The following TRPC7 variants were observed in gnomAD, a reference collection of about 807,000 sequenced individuals.
TRPC7 encodes transient receptor potential cation channel subfamily C member 7.
Under a neutral mutation model 90.1 loss-of-function variants are expected in TRPC7, and 42 were observed. That is an observed-to-expected ratio of 0.47 (90% confidence interval 0.36 to 0.60). The LOEUF is 0.60. Among genes scored for constraint, TRPC7 ranks in the 20% least tolerant of loss-of-function variants. The pLI is 0.00. For synonymous variants in TRPC7, 451 were observed against 436.3 expected (o/e 1.03, Z -0.42); for missense variants, 955 against 1,112.3 (o/e 0.86, Z 2.01).
chr5:136,316,391 G>C (rs892647386), intron 2 of TRPC7, among the ~76,000 whole-genome samples: 1 of 152,188 alleles, frequency 6.6e-6, no homozygotes, highest in Non-Finnish European at 1.5e-5. Context: ...TTGTGTGCCA[G>C]AAAATCGGCT....
intron 3 of TRPC7, among the ~76,000 whole-genome samples, chr5:136,293,617 A>T (rs1478667803): frequency 1.3e-5 from 2 of 152,152 alleles, no homozygotes; most frequent in Non-Finnish European, 2.9e-5. Flanking sequence ...AGAACTACAA[A>T]CCACTGCTCA....
chr5:136,344,546 A>G (rs1220288896), intron 2 of TRPC7, among the ~76,000 whole-genome samples: 1 of 152,236 alleles, frequency 6.6e-6, no homozygotes, highest in African/African-American at 2.4e-5. Flanking sequence ...CTCACTAGCA[A>G]TTAGAGAAAC....
At chr5:136,303,249 C>A (rs977272748) in intron 3 of TRPC7, among the ~76,000 whole-genome samples, 1 of 152,098 alleles carries the variant, frequency 6.6e-6, no homozygotes, top group Admixed American at 6.5e-5. Flanking sequence ...TTGGCAGCAA[C>A]CCTGAGACAC....
At position 136,365,313 on chromosome 5, in the gene TRPC7, C is replaced by A. The variant is rs1760687992; in HGVS notation, c.-59G>T. 2.0e-6 allele frequency: 3 copies of A among 1,532,996 alleles called. No homozygotes were observed. In the Admixed American group the frequency reaches 5.9e-5, roughly 30 times the overall value. The allele number at this position is 1,532,996 out of a possible 1,614,324, so 95.0% of individuals were successfully genotyped here. A position where few individuals can be genotyped will look rare whatever the true frequency, so the allele number is the denominator to read the frequency against. ...AGATGACCGGAATCCGGTGTTGAGT[C>A]GCCAGAAGCTGGCTCCCCATGGGTG... is the stretch of plus-strand genomic sequence containing the variant. On this transcript the variant is annotated 5_prime_UTR_variant, in exon 1 of 12. Transcript: ENST00000513104.
intron 3 of TRPC7, among the ~76,000 whole-genome samples, chr5:136,287,479 C>T (rs763131674): frequency 6.6e-6 from 1 of 151,524 alleles, no homozygotes; most frequent in Non-Finnish European, 1.5e-5. Flanking sequence ...TAGATGGACC[C>T]CCAAATGCAG....
chr5:136,358,918 G>T (rs1012782213), intron 1 of TRPC7, among the ~76,000 whole-genome samples: 2 of 152,022 alleles, frequency 1.3e-5, no homozygotes, highest in Non-Finnish European at 2.9e-5. Flanking sequence ...TAAGTACTTG[G>T]ATATTTGTTT....
chr5:136,310,845 T>G (rs906161533), intron 3 of TRPC7, among the ~76,000 whole-genome samples: 5 of 152,088 alleles, frequency 3.3e-5, no homozygotes, highest in Non-Finnish European at 7.4e-5. Context: ...TGTTTTATTC[T>G]GCTTGGGTCC....
At chr5:136,231,039 C>T (rs1010952252) in intron 8 of TRPC7, among the ~76,000 whole-genome samples, 1 of 152,152 alleles carries the variant, frequency 6.6e-6, no homozygotes, top group Non-Finnish European at 1.5e-5. Context: ...GGCCTGGGGG[C>T]TGAAAGTCAT....
At chr5:136,274,881 A>G (rs1320097578) in intron 3 of TRPC7, 44 bp from the exon 4 acceptor site, 1 of 1,540,664 alleles carries the variant, frequency 6.5e-7, no homozygotes, top group Admixed American at 2.0e-5. Flanking sequence ...CAAACAGGAA[A>G]ATGGCATTGA....
chr5:136,285,273 T>C (rs1757675460), intron 3 of TRPC7, among the ~76,000 whole-genome samples: 1 of 152,054 alleles, frequency 6.6e-6, no homozygotes, highest in African/African-American at 2.4e-5. Context: ...ATAGTGTGGA[T>C]TTTTTTTGTA....
At chr5:136,256,290 G>A (rs1756681959) in intron 5 of TRPC7, among the ~76,000 whole-genome samples, 1 of 152,148 alleles carries the variant, frequency 6.6e-6, no homozygotes, top group Non-Finnish European at 1.5e-5. Flanking sequence ...AGCTTTCCAG[G>A]TTTTTGGCCG....
At position 136,251,753 on chromosome 5, in the gene TRPC7, G is replaced by A. The variant is rs1192302035; in HGVS notation, c.1475C>T (p.Ala492Val). Residue 492 changes from alanine to valine, a missense_variant, in exon 6 of 12, where the codon GCC (alanine) becomes GTC (valine). Transcript: ENST00000513104. ...FVASFTARFM[A>V]FLKATEAQLY... The stretch of plus-strand genomic sequence containing the variant: ...CTGTGCCTCCGTGGCCTTCAGGAAG[G>A]CCATGAAGCGTGCTGTGAAGGAGGC... The A allele has an allele frequency of 6.2e-7, 1 of 1,613,844 alleles. No individual in the cohort carries two copies. Among genetic ancestry groups the A allele is most frequent in the Non-Finnish European group, 8.5e-7 (1 of 1,179,892 alleles).
chr5:136,231,221 G>T, intron 8 of TRPC7, 133 bp downstream of exon 8: 1 of 817,116 alleles, frequency 1.2e-6, no homozygotes, highest in Non-Finnish European at 1.8e-6. Context: ...AATCCAGGAA[G>T]AATGCCTGTT....
chr5:136,240,218 T>C (rs992122229), intron 7 of TRPC7, among the ~76,000 whole-genome samples: 1 of 152,158 alleles, frequency 6.6e-6, no homozygotes, highest in Non-Finnish European at 1.5e-5. Context: ...AACTCTCTGT[T>C]TAGAGCCACC....
intron 3 of TRPC7, among the ~76,000 whole-genome samples, chr5:136,305,365 C>G (rs1758580173): frequency 6.6e-6 from 1 of 152,160 alleles, no homozygotes; most frequent in Admixed American, 6.5e-5. Context: ...AGCCACTAGC[C>G]CACCTCTCAG....
chr5:136,228,852 C>T (rs1427713178), intron 8 of TRPC7, among the ~76,000 whole-genome samples: 1 of 152,178 alleles, frequency 6.6e-6, no homozygotes, highest in East Asian at 1.9e-4. Context: ...AGGTGTGGGG[C>T]TGTAATACAC....
intron 8 of TRPC7, among the ~76,000 whole-genome samples, chr5:136,227,886 AG>A (rs1412155176): frequency 6.6e-6 from 1 of 152,242 alleles, no homozygotes; most frequent in African/African-American, 2.4e-5. Flanking sequence ...GACACGGAAC[AG>A]TGCCAGACAT....
intron 2 of TRPC7, among the ~76,000 whole-genome samples, chr5:136,317,538 C>T (rs1759059726): frequency 1.3e-5 from 2 of 152,144 alleles, no homozygotes; most frequent in African/African-American, 2.4e-5. Context: ...ACACTGGGCT[C>T]AGCAACATGG....
chr5:136,328,921 A>G (rs1205425995), intron 2 of TRPC7, among the ~76,000 whole-genome samples: 1 of 152,206 alleles, frequency 6.6e-6, no homozygotes, highest in Non-Finnish European at 1.5e-5. Context: ...AGTTTGGGGC[A>G]CAGAAATTGG....
Sources: allele counts gnomAD v4.1 joint callset (sites outside exome capture counted in the v4.1 genomes callset), GRCh38; gene constraint gnomAD v4.1.1; transcripts MANE v1.5; gene names NCBI Gene and HGNC (gene_info 2026-07-23, HGNC 2026-07-21).